RARB: variants seen among roughly 807,000 people sequenced by gnomAD.
The protein encoded by RARB is retinoic acid receptor beta.
A neutral mutation model predicts 51.9 loss-of-function variants in RARB; 17 were observed. That is an observed-to-expected ratio of 0.33 (90% CI 0.22 to 0.49). The LOEUF (loss-of-function observed/expected upper bound fraction) is 0.49, where lower values mean the gene tolerates loss of function less well. Ranked by LOEUF, RARB falls within the 20% of genes least tolerant of loss-of-function variation. The pLI, the probability that RARB is intolerant of heterozygous loss-of-function variation, is 0.99. For synonymous variants in RARB, 215 were observed against 195.4 expected, an observed-to-expected ratio of 1.10 and a Z score of -0.84; for missense variants, 369 against 550.8, an observed-to-expected ratio of 0.67 and a Z score of 3.30.
chr3:24,913,174 C>G (rs1046435982), intron 2 of RARB, among the ~76,000 whole-genome samples: 2 of 151,464 alleles, frequency 1.3e-5, no homozygotes, highest in African/African-American at 2.4e-5. Flanking sequence ...TTAGTAGAGA[C>G]GGGGTTTCAC....
At chr3:25,506,274 A>AG (rs1559440303) in intron 3 of RARB, among the ~76,000 whole-genome samples, 1 of 150,192 alleles carries the variant, frequency 6.7e-6, no homozygotes, top group Middle Eastern at 3.4e-3. Context: ...AAAAAAAAAA[A>AG]AACCAGCTCT....
intron 2 of RARB, among the ~76,000 whole-genome samples, chr3:24,867,046 G>A (rs1427742422): frequency 6.6e-6 from 1 of 152,150 alleles, no homozygotes; most frequent in African/African-American, 2.4e-5. Context: ...AACGTGAAAA[G>A]GCATCTCAAA....
At chr3:24,846,429 A>T (rs1463349269) in intron 1 of RARB, among the ~76,000 whole-genome samples, 6 of 152,244 alleles carry the variant, frequency 3.9e-5, no homozygotes, top group Non-Finnish European at 8.8e-5. Context: ...AGAAGAAAAT[A>T]TCAGGATATG....
chr3:25,246,422 G>A lies in RARB; in HGVS notation c.178+71847G>A, dbSNP rs757336247. The stretch of plus-strand genomic sequence containing the variant: ...GGTATTCTGGTTTTTGGAATTTTCC[G>A]CCTTTTTGTGCTTGTTTTTCCTCAC... On this transcript the variant is annotated intron_variant, in intron 5 of 11. Transcript: ENST00000383772. 5.3e-5 allele frequency among the ~76,000 whole-genome samples: 8 copies of A among 152,234 alleles called. No homozygotes were observed. The South Asian group carries it at 8.3e-4, about 16-fold the overall frequency.
At chr3:25,049,691 A>G (rs1698288114) in intron 2 of RARB, among the ~76,000 whole-genome samples, 1 of 152,216 alleles carries the variant, frequency 6.6e-6, no homozygotes, top group African/African-American at 2.4e-5. Context: ...ATAAAATTAA[A>G]AAATTAAGGA....
chr3:25,143,803 G>T (rs1277777997), intron 4 of RARB, among the ~76,000 whole-genome samples: 3 of 152,154 alleles, frequency 2.0e-5, no homozygotes, highest in Non-Finnish European at 4.4e-5. Flanking sequence ...ACTTCTTTGG[G>T]TCTCCAATTT....
At chr3:24,913,219 C>T (rs1300491515) in intron 2 of RARB, among the ~76,000 whole-genome samples, 2 of 151,210 alleles carry the variant, frequency 1.3e-5, no homozygotes, top group Admixed American at 6.6e-5. Context: ...CTCCTGACCT[C>T]CTGATCTGCC....
chr3:24,999,397 G>T (rs891993672), intron 2 of RARB, among the ~76,000 whole-genome samples: 2 of 152,142 alleles, frequency 1.3e-5, no homozygotes, highest in Non-Finnish European at 2.9e-5. Flanking sequence ...TGGGGAGGAT[G>T]CCTCAAAAGA....
chr3:25,141,906 G>A (rs76008954), intron 4 of RARB, among the ~76,000 whole-genome samples: 18 of 152,130 alleles, frequency 1.2e-4, no homozygotes, highest in African/African-American at 3.4e-4. Flanking sequence ...CCAATTTCTC[G>A]GTTATAAGAT....
intron 2 of RARB, among the ~76,000 whole-genome samples, chr3:25,021,312 T>C (rs1474509545): frequency 6.6e-6 from 1 of 152,238 alleles, no homozygotes; most frequent in African/African-American, 2.4e-5. Context: ...GGATTTTTTC[T>C]GGTATTACCT....
intron 2 of RARB, among the ~76,000 whole-genome samples, chr3:24,911,178 T>C (rs747509612): frequency 4.6e-5 from 7 of 152,216 alleles, no homozygotes; most frequent in Non-Finnish European, 1.0e-4. Flanking sequence ...GATGAAACCA[T>C]CTTCTCTCTC....
chr3:25,592,697 G>C (rs1176291503), intron 5 of RARB, among the ~76,000 whole-genome samples: 1 of 152,184 alleles, frequency 6.6e-6, no homozygotes, highest in African/African-American at 2.4e-5. Flanking sequence ...ACACTGGGTG[G>C]GACTGGGAGA....
At chr3:25,096,371 A>G (rs1028591430) in intron 3 of RARB, among the ~76,000 whole-genome samples, 3 of 152,162 alleles carry the variant, frequency 2.0e-5, no homozygotes, top group Non-Finnish European at 4.4e-5. Flanking sequence ...AAGACCAGAT[A>G]CCATTGGAGA....
rs34908200 is a variant in RARB, at chr3:25,150,200, CAAAA to C, written c.-280+18004_-280+18007del. On this transcript the variant is annotated intron_variant, in intron 4 of 11. Coordinates refer to the RARB transcript ENST00000383772. ...TGGATGACAGAGCAAGGCTCTGTCT[CAAAA>C]AAAAAAAAAAATTGTTAAACATCTA... 1.0e-4 allele frequency among the ~76,000 whole-genome samples: 14 copies of C among 140,084 alleles called. 1 individual carries two copies. Among genetic ancestry groups the C allele is most frequent in the Admixed American group, 5.7e-4 (8 of 14,116 alleles). The allele number at this position is 140,084 out of a possible 152,430, so 91.9% of individuals were successfully genotyped here. A position where few individuals can be genotyped will look rare whatever the true frequency, so the allele number is the denominator to read the frequency against.
At chr3:25,245,798 C>T (rs145391185) in intron 5 of RARB, among the ~76,000 whole-genome samples, 25 of 152,042 alleles carry the variant, frequency 1.6e-4, no homozygotes, top group Middle Eastern at 3.4e-3. Context: ...TTGCTCTTCT[C>T]GAGGAGATAC....
At chr3:25,423,490 G>A (rs1236679465), upstream of RARB, among the ~76,000 whole-genome samples, 1 of 152,062 alleles carries the variant, frequency 6.6e-6, no homozygotes, top group African/African-American at 2.4e-5. Context: ...GACCATACTG[G>A]TATAATAGCA....
At chr3:25,041,535 G>T (rs1698114387) in intron 2 of RARB, among the ~76,000 whole-genome samples, 1 of 147,010 alleles carries the variant, frequency 6.8e-6, no homozygotes, top group Non-Finnish European at 1.5e-5. Context: ...GAGGACATTT[G>T]GGAAAAAAAA....
chr3:25,048,942 C>CG (rs1411275293), intron 2 of RARB, among the ~76,000 whole-genome samples: 1 of 151,918 alleles, frequency 6.6e-6, no homozygotes, highest in Non-Finnish European at 1.5e-5. Flanking sequence ...TTAGTAGAGA[C>CG]GGGGTTTCAC....
chr3:25,472,688 A>G (rs1695756341), intron 2 of RARB, among the ~76,000 whole-genome samples: 1 of 152,206 alleles, frequency 6.6e-6, no homozygotes, highest in Non-Finnish European at 1.5e-5. Context: ...ACATTTCTGT[A>G]AGGTTCCCTG....
Sources: allele counts gnomAD v4.1 joint callset (sites outside exome capture counted in the v4.1 genomes callset), GRCh38; gene constraint gnomAD v4.1.1; transcripts MANE v1.5; gene names NCBI Gene and HGNC (gene_info 2026-07-23, HGNC 2026-07-21).